Variants in PTPRT observed in about 807,000 individuals in gnomAD.
The protein encoded by PTPRT is receptor-type tyrosine-protein phosphatase T.
In PTPRT, 56 loss-of-function variants were observed where a neutral mutation model predicts 176.8. The ratio of observed to expected loss-of-function variants is 0.32; its 90% confidence interval spans 0.26 to 0.40. The LOEUF (loss-of-function observed/expected upper bound fraction) is 0.40, where lower values mean the gene tolerates loss of function less well. Among genes scored for constraint, PTPRT ranks in the 10% least tolerant of loss-of-function variants. PTPRT has a pLI of 1.00. For missense variants in PTPRT, 1,540 were observed against 1,908.2 expected, an observed-to-expected ratio of 0.81 and a Z score of 3.60; for synonymous variants, 783 against 739.0, an observed-to-expected ratio of 1.06 and a Z score of -0.96.
At position 43,086,759 on chromosome 20, in the gene PTPRT, GC is replaced by G. The variant is rs369896917; in HGVS notation, c.88+102886del. Among the ~76,000 whole-genome samples the G allele has an allele frequency of 3.6e-3, 542 of 152,244 alleles. 1 individual carries two copies. The highest frequency in any genetic ancestry group is 0.012 in the South Asian group (57 of 4,826). ...ATACAAAGTTATTGAATAAAACCTA[GC>G]AGGCTTAGAGCTTACTAATCCTACT... On this transcript the variant is annotated intron_variant, in intron 1 of 30. Coordinates refer to ENST00000373187, the MANE Select transcript of PTPRT (RefSeq NM_007050.6).
At chr20:43,028,958 T>C in intron 1 of PTPRT, among the ~76,000 whole-genome samples, 1 of 152,112 alleles carries the variant, frequency 6.6e-6, no homozygotes, top group East Asian at 1.9e-4. Context: ...TCTTTATGCA[T>C]CACCCCTTGG....
intron 16 of PTPRT, among the ~76,000 whole-genome samples, chr20:42,167,945 G>A (rs1989897951): frequency 6.6e-6 from 1 of 152,186 alleles, no homozygotes; most frequent in African/African-American, 2.4e-5. Flanking sequence ...ATAGCCTACT[G>A]TTGAGCAGAA....
intron 2 of PTPRT, among the ~76,000 whole-genome samples, chr20:42,849,460 C>G (rs1172964499): frequency 6.6e-6 from 1 of 152,194 alleles, no homozygotes; most frequent in African/African-American, 2.4e-5. Context: ...GGAAACAGAT[C>G]AGATGCAGGC....
intron 1 of PTPRT, among the ~76,000 whole-genome samples, chr20:43,009,458 T>G (rs12481496): frequency 0.39 from 58,523 of 151,872 alleles, 13,114 homozygotes; most frequent in African/African-American, 0.63. Flanking sequence ...TGAAAGACGG[T>G]AGAGACACAG....
chr20:43,093,134 A>C (rs1398797110), intron 1 of PTPRT, among the ~76,000 whole-genome samples: 1 of 152,240 alleles, frequency 6.6e-6, no homozygotes, highest in African/African-American at 2.4e-5. Context: ...TTATTTACAC[A>C]AAAACAAACA....
intron 7 of PTPRT, among the ~76,000 whole-genome samples, chr20:42,576,033 G>A (rs890126811): frequency 3.3e-5 from 5 of 152,076 alleles, no homozygotes; most frequent in Admixed American, 6.6e-5. Flanking sequence ...TACTCCTGAC[G>A]TGGCAACCTG....
chr20:42,772,653 T>C (rs1189850895), intron 4 of PTPRT, among the ~76,000 whole-genome samples: 1 of 152,164 alleles, frequency 6.6e-6, no homozygotes, highest in African/African-American at 2.4e-5. Flanking sequence ...GAAGGATCTC[T>C]ATGCCATCAA....
intron 9 of PTPRT, among the ~76,000 whole-genome samples, chr20:42,434,066 G>A (rs2059239446): frequency 6.6e-6 from 1 of 151,274 alleles, no homozygotes; most frequent in Non-Finnish European, 1.5e-5. Context: ...TGGGCATAGT[G>A]AAAATTAAAA....
At chr20:42,849,912 C>A (rs984412617) in intron 2 of PTPRT, among the ~76,000 whole-genome samples, 1 of 152,214 alleles carries the variant, frequency 6.6e-6, no homozygotes, top group African/African-American at 2.4e-5. Flanking sequence ...GTTTCTGTTT[C>A]CTACAACTTG....
intron 7 of PTPRT, among the ~76,000 whole-genome samples, chr20:42,676,950 A>G (rs6030405): frequency 0.092 from 14,050 of 151,980 alleles, 745 homozygotes; most frequent in South Asian, 0.16. Flanking sequence ...CTTAGACACA[A>G]TCTCAGCCAG....
intron 2 of PTPRT, among the ~76,000 whole-genome samples, chr20:42,802,745 T>G (rs2077549294): frequency 6.6e-6 from 1 of 152,224 alleles, no homozygotes; most frequent in South Asian, 2.1e-4. Context: ...TCCCTTCTCC[T>G]GCATGATCAG....
chr20:43,188,754 G>GGGT (rs982814542), intron 1 of PTPRT, among the ~76,000 whole-genome samples: 2 of 150,288 alleles, frequency 1.3e-5, no homozygotes, highest in East Asian at 4.0e-4. Context: ...ACTCTTGGGG[G>GGGT]GGGGGGGGCT....
intron 7 of PTPRT, among the ~76,000 whole-genome samples, chr20:42,575,333 C>A (rs76027104): frequency 6.6e-6 from 1 of 152,124 alleles, no homozygotes; most frequent in Admixed American, 6.6e-5. Flanking sequence ...GAAGAGGGGC[C>A]ATTTTCCCAG....
intron 4 of PTPRT, among the ~76,000 whole-genome samples, chr20:42,775,308 C>T (rs2077119745): frequency 6.6e-6 from 1 of 152,148 alleles, no homozygotes; most frequent in African/African-American, 2.4e-5. Context: ...AGTAGGAAGC[C>T]ACACAATTGT....
In PTPRT at chr20:42,455,944, A is replaced by G. The variant is rs547900500; in HGVS notation, c.1451-7615T>C. 3.3e-5 allele frequency among the ~76,000 whole-genome samples: 5 copies of G among 152,124 alleles called. No individual in the cohort carries two copies. In the East Asian group the frequency reaches 7.7e-4, roughly 24 times the overall value. ...CATAAACATTTGAGGACTAGCTTGT[A>G]CCTTTTCAAAAAATGTTTGGTTTTT... On this transcript the variant is annotated intron_variant, in intron 8 of 30. Coordinates refer to ENST00000373187, the MANE Select transcript of PTPRT (RefSeq NM_007050.6).
chr20:42,338,906 C>T (rs1452096306), intron 11 of PTPRT, among the ~76,000 whole-genome samples: 1 of 152,134 alleles, frequency 6.6e-6, no homozygotes, highest in Non-Finnish European at 1.5e-5. Context: ...TTCCTGCTCT[C>T]CCCACAATAG....
At chr20:43,061,087 A>AATGGATGGATAGATGG (rs1555825211) in intron 1 of PTPRT, among the ~76,000 whole-genome samples, 2 of 149,914 alleles carry the variant, frequency 1.3e-5, no homozygotes, top group African/African-American at 4.9e-5. Flanking sequence ...CGGATAAATG[A>AATGGATGGATAGATGG]ATGGATGGAT....
At chr20:42,799,226 T>C (rs764128235) in intron 2 of PTPRT, among the ~76,000 whole-genome samples, 11 of 151,292 alleles carry the variant, frequency 7.3e-5, no homozygotes, top group African/African-American at 2.4e-4. Flanking sequence ...GCAGGAGACA[T>C]GAACTGCAGG....
chr20:42,657,247 T>C (rs2075141597), intron 7 of PTPRT, among the ~76,000 whole-genome samples: 1 of 152,180 alleles, frequency 6.6e-6, no homozygotes, highest in African/African-American at 2.4e-5. Flanking sequence ...CAATTAAACC[T>C]CTTTCCTTTA....
Sources: gnomAD v4.1 joint callset for allele counts (sites outside exome capture counted in the v4.1 genomes callset) on GRCh38, gnomAD v4.1.1 for gene constraint, MANE v1.5 for transcripts, NCBI Gene and HGNC (gene_info 2026-07-23, HGNC 2026-07-21) for gene names.